RAD51B: variants seen among roughly 807,000 people sequenced by gnomAD.
RAD51B encodes RAD51 paralog B.
In RAD51B, 38 loss-of-function variants were observed where a neutral mutation model predicts 42.2. The observed-to-expected ratio is 0.90, with a 90% CI of 0.70 to 1.18. The LOEUF (loss-of-function observed/expected upper bound fraction) is 1.18. Among genes scored for constraint, RAD51B ranks in the 50% most tolerant of loss-of-function variants. The pLI is 0.00. For missense variants in RAD51B, 373 were observed against 400.7 expected, an observed-to-expected ratio of 0.93 and a Z score of 0.59; for synonymous variants, 154 against 145.2, an observed-to-expected ratio of 1.06 and a Z score of -0.43.
chr14:68,257,445 A>C (rs868747036), intron 7 of RAD51B, among the ~76,000 whole-genome samples: 1 of 152,260 alleles, frequency 6.6e-6, no homozygotes, highest in Middle Eastern at 3.4e-3. Context: ...AAAGGGAAAA[A>C]ACTCCTTCAG....
chr14:68,438,633 A>G (rs2085205232), intron 9 of RAD51B, among the ~76,000 whole-genome samples: 1 of 152,170 alleles, frequency 6.6e-6, no homozygotes, highest in African/African-American at 2.4e-5. Flanking sequence ...CACTGTTTAT[A>G]GCACATCATG....
At chr14:68,164,991 G>C (rs1036490377) in intron 7 of RAD51B, among the ~76,000 whole-genome samples, 1 of 152,146 alleles carries the variant, frequency 6.6e-6, no homozygotes, top group African/African-American at 2.4e-5. Flanking sequence ...AAACATTTTA[G>C]ACACTCACGT....
intron 10 of RAD51B, among the ~76,000 whole-genome samples, chr14:68,509,489 G>A (rs1885573768): frequency 6.6e-6 from 1 of 152,230 alleles, no homozygotes. Context: ...AACCTTCACT[G>A]AGTGGTATGG....
intron 9 of RAD51B, among the ~76,000 whole-genome samples, chr14:68,425,981 TTC>T (rs1566876546): frequency 8.5e-5 from 11 of 129,950 alleles, no homozygotes; most frequent in African/African-American, 2.1e-4. Flanking sequence ...TCTTTCTTCC[TTC>T]CTTCCTTCCT....
chr14:68,657,584 T>C (rs527418750), intron 11 of RAD51B, among the ~76,000 whole-genome samples: 1 of 152,368 alleles, frequency 6.6e-6, no homozygotes, highest in Non-Finnish European at 1.5e-5. Context: ...CTATTAGGAC[T>C]GCTGCCTCGG....
At chr14:68,507,913 C>T (rs764665185) in intron 10 of RAD51B, among the ~76,000 whole-genome samples, 6 of 152,180 alleles carry the variant, frequency 3.9e-5, no homozygotes, top group Non-Finnish European at 8.8e-5. Context: ...CCTGAACCCA[C>T]CCGGAAACCA....
At chr14:68,678,656 G>A (rs1245927802) in intron 11 of RAD51B, among the ~76,000 whole-genome samples, 1 of 152,104 alleles carries the variant, frequency 6.6e-6, no homozygotes, top group Non-Finnish European at 1.5e-5. Context: ...ATGGGGATGG[G>A]TCTTGTTCCA....
At chr14:68,453,713 A>AT (rs2085613978) in intron 9 of RAD51B, among the ~76,000 whole-genome samples, 1 of 152,130 alleles carries the variant, frequency 6.6e-6, no homozygotes, top group Admixed American at 6.5e-5. Flanking sequence ...CAAACAAGAG[A>AT]TTTTTATAAA....
At chr14:68,455,527 C>G (rs1878516202) in intron 9 of RAD51B, among the ~76,000 whole-genome samples, 1 of 151,994 alleles carries the variant, frequency 6.6e-6, no homozygotes, top group Admixed American at 6.6e-5. Flanking sequence ...ACCATCCTGG[C>G]TAACATGGTG....
chr14:68,000,480 CTACATATCTT>C, intron 7 of RAD51B, among the ~76,000 whole-genome samples: 1 of 152,122 alleles, frequency 6.6e-6, no homozygotes, highest in Non-Finnish European at 1.5e-5. Flanking sequence ...AATATACTTT[CTACATATCTT>C]TTACTAGGGA....
At chr14:68,077,537 T>G (rs1028604424) in intron 7 of RAD51B, among the ~76,000 whole-genome samples, 1 of 152,246 alleles carries the variant, frequency 6.6e-6, no homozygotes, top group Non-Finnish European at 1.5e-5. Context: ...CATTTAATGT[T>G]TGTGTAGACC....
At chr14:68,547,802 C>G (rs1271866209) in intron 10 of RAD51B, among the ~76,000 whole-genome samples, 1 of 152,214 alleles carries the variant, frequency 6.6e-6, no homozygotes, top group Non-Finnish European at 1.5e-5. Context: ...CACTCCCTGT[C>G]ATTCCTGGCC....
chr14:67,825,062 A>G (rs1166416225), intron 2 of RAD51B, among the ~76,000 whole-genome samples: 4 of 133,596 alleles, frequency 3.0e-5, no homozygotes, highest in African/African-American at 8.3e-5. Context: ...TGGGCGACAG[A>G]GCAAAACTCT....
At chr14:68,397,241 T>C (rs956071028) in intron 8 of RAD51B, among the ~76,000 whole-genome samples, 1 of 152,272 alleles carries the variant, frequency 6.6e-6, no homozygotes, top group Non-Finnish European at 1.5e-5. Flanking sequence ...CCCATAGTTC[T>C]GTCTCATTTC....
At chr14:68,613,908 C>T (rs1341143084), downstream of RAD51B, among the ~76,000 whole-genome samples, 1 of 152,152 alleles carries the variant, frequency 6.6e-6, no homozygotes, top group African/African-American at 2.4e-5. Context: ...GAGTTTAGGG[C>T]CTGCTGTTGT....
chr14:68,548,069 G>T (rs1051617476), intron 10 of RAD51B, among the ~76,000 whole-genome samples: 1 of 152,224 alleles, frequency 6.6e-6, no homozygotes, highest in African/African-American at 2.4e-5. Flanking sequence ...GAGTTTAAGG[G>T]GAGGGAGGCA....
At chr14:68,038,227 G>A (rs1595299508) in intron 7 of RAD51B, among the ~76,000 whole-genome samples, 1 of 152,170 alleles carries the variant, frequency 6.6e-6, no homozygotes, top group African/African-American at 2.4e-5. Flanking sequence ...TAAAAAGTTG[G>A]TATCGGCATG....
At chr14:68,300,114 A>T (rs1595678763) in intron 8 of RAD51B, among the ~76,000 whole-genome samples, 1 of 152,326 alleles carries the variant, frequency 6.6e-6, no homozygotes, top group Non-Finnish European at 1.5e-5. Context: ...CAAACATAAC[A>T]TCTAATAGAA....
At chr14:68,185,198 G>C (rs1336581152) in intron 7 of RAD51B, among the ~76,000 whole-genome samples, 1 of 152,022 alleles carries the variant, frequency 6.6e-6, no homozygotes, top group Non-Finnish European at 1.5e-5. Flanking sequence ...CTACCTCATA[G>C]GGTTTCTATG....
Sources: allele counts gnomAD v4.1 joint callset (sites outside exome capture counted in the v4.1 genomes callset), GRCh38; gene constraint gnomAD v4.1.1; transcripts MANE v1.5; gene names NCBI Gene and HGNC (gene_info 2026-07-23, HGNC 2026-07-21).